STAT3: variants seen among roughly 807,000 people sequenced by gnomAD.
STAT3 encodes the protein signal transducer and activator of transcription 3.
STAT3 carries 7 observed loss-of-function variants against 114.3 expected under a neutral mutation model. The observed-to-expected ratio is 0.06, with a 90% CI of 0.03 to 0.11. The LOEUF is 0.11. STAT3 is among the 10% of genes least tolerant of loss of function. STAT3 has a pLI of 1.00. For synonymous variants in STAT3, 331 were observed against 354.5 expected (o/e 0.93, Z 0.74); for missense variants, 364 against 960.9 (o/e 0.38, Z 8.21).
Position 42,337,137 on chromosome 17 carries a change from G to T in STAT3, c.797+298C>A, listed in dbSNP as rs892337569. Among the ~76,000 whole-genome samples the T allele has an allele frequency of 6.6e-6, 1 of 151,846 alleles. No individual in the cohort carries two copies. The highest frequency in any genetic ancestry group is 1.5e-5 in the Non-Finnish European group (1 of 67,956). On this transcript the variant is annotated intron_variant, in intron 8 of 23. Coordinates refer to ENST00000264657, the MANE Select transcript of STAT3 (RefSeq NM_139276.3). This position sits in a 1 kb window ranked among gnomAD's most constrained non-coding sequence, Gnocchi z 4.0. ...TGGGACTACAGGTGCGCACCACCAC[G>T]CCCGGCTAATTTTTTTATGTTTTTA...
At chr17:42,380,576 G>T (rs939900886) in intron 1 of STAT3, among the ~76,000 whole-genome samples, 4 of 147,790 alleles carry the variant, frequency 2.7e-5, no homozygotes, top group African/African-American at 7.5e-5. Flanking sequence ...GTAGAGACGG[G>T]GGGGGTCTCA....
rs2083297821 is a variant in STAT3 at position 42,357,756 on chromosome 17, C to T, written c.-23-9217G>A. Among the ~76,000 whole-genome samples, 3 of 152,116 alleles carry T rather than the reference C, an allele frequency of 2.0e-5. No homozygotes were observed. In the South Asian group the frequency reaches 6.2e-4, roughly 31 times the overall value. On this transcript the variant is annotated intron_variant, in intron 1 of 23. Transcript: ENST00000264657. The stretch of plus-strand genomic sequence containing the variant: ...TTCATAATTTAACCATTCATAATTA[C>T]TCTAGACATTAAGAATGGAATTTCA...
At chr17:42,374,164 A>G (rs2084322490) in intron 1 of STAT3, 1 of 152,230 alleles carries the variant, frequency 6.6e-6, no homozygotes, top group Non-Finnish European at 1.5e-5. Flanking sequence ...TCCACTACTC[A>G]TGAAATTATA....
intron 1 of STAT3, among the ~76,000 whole-genome samples, chr17:42,365,639 G>GTTTTTTTTTTTTT (rs11440924): frequency 7.2e-6 from 1 of 139,052 alleles, no homozygotes; most frequent in Non-Finnish European, 1.5e-5. Flanking sequence ...TGCTGTTAAA[G>GTTTTTTTTTTTTT]TTTTTTTTTT....
intron 1 of STAT3, among the ~76,000 whole-genome samples, chr17:42,360,831 G>A (rs2083473537): frequency 1.3e-5 from 2 of 152,014 alleles, no homozygotes; most frequent in Admixed American, 1.3e-4. Flanking sequence ...AATTGAAATG[G>A]AACACTAAAA....
At position 42,337,319 on chromosome 17, in the gene STAT3, G is replaced by T; in HGVS notation, c.797+116C>A. ...AAACTTTAATTCTTGGGCTAAATTTGAATATGGAAAAGTCCCCACGTTGGA... is the reference window on the plus strand; with the variant it reads ...AAACTTTAATTCTTGGGCTAAATTTTAATATGGAAAAGTCCCCACGTTGGA... On this transcript the variant is annotated intron_variant, in intron 8 of 23. Coordinates refer to ENST00000264657, the MANE Select transcript of STAT3 (RefSeq NM_139276.3). This position sits in a 1 kb window ranked among gnomAD's most constrained non-coding sequence, Gnocchi z 4.0. The T allele has an allele frequency of 1.4e-6, 2 of 1,436,226 alleles. No homozygotes were observed. Among genetic ancestry groups the T allele is most frequent in the South Asian group, 1.4e-5 (1 of 73,022 alleles). The allele number at this position is 1,436,226 out of a possible 1,614,324, so 89.0% of individuals were successfully genotyped here.
At chr17:42,340,266 G>T (rs1285015395) in intron 4 of STAT3, among the ~76,000 whole-genome samples, 1 of 150,884 alleles carries the variant, frequency 6.6e-6, no homozygotes, top group East Asian at 1.9e-4. Flanking sequence ...TGAGGAAGGA[G>T]AATCGCCTGA....
rs397857989 is a variant in STAT3, at chr17:42,313,379, C to CAAAAAAAAAAAAAAAAAAAAAAAAAA, written c.*2365_*2366insTTTTTTTTTTTTTTTTTTTTTTTTTT. 1.2e-5 allele frequency: 1 copy of CAAAAAAAAAAAAAAAAAAAAAAAAAA among 83,018 alleles called. No homozygotes were observed. Among genetic ancestry groups the CAAAAAAAAAAAAAAAAAAAAAAAAAA allele is most frequent in the Non-Finnish European group, 2.2e-5 (1 of 44,914 alleles). The allele number at this position is 83,018 out of a possible 1,614,324, so 5.1% of individuals were successfully genotyped here. A position where few individuals can be genotyped will look rare whatever the true frequency, so the allele number is the denominator to read the frequency against. On this transcript the variant is annotated 3_prime_UTR_variant, in exon 24 of 24. Coordinates refer to ENST00000264657, the MANE Select transcript of STAT3 (RefSeq NM_139276.3). ...AGTTAAAGTAGATACAGCAATATAC[C>CAAAAAAAAAAAAAAAAAAAAAAAAAA]AAAAAAAAAAAAAAAAAAAAAAGAC... is the stretch of plus-strand genomic sequence containing the variant.
chr17:42,316,058 G>A (rs1240911250), intron 23 of STAT3: 1 of 1,403,886 alleles, frequency 7.1e-7, no homozygotes, highest in Non-Finnish European at 9.3e-7. Context: ...GCTGTCCTGA[G>A]ATCTTCTGCC....
chr17:42,316,976 A>AACAC, intron 22 of STAT3, 75 bp from the exon 23 acceptor site: 1 of 1,559,870 alleles, frequency 6.4e-7, no homozygotes, highest in Non-Finnish European at 8.7e-7. Flanking sequence ...AAAAGAACAA[A>AACAC]ACACACACAC....
Position 42,319,704 on chromosome 17 carries a change from GAA to G in STAT3, c.2102-2482_2102-2481del, listed in dbSNP as rs61628585. 9.9e-3 allele frequency among the ~76,000 whole-genome samples: 1,512 copies of G among 152,218 alleles called. 19 individuals are homozygous for G. Among genetic ancestry groups the G allele is most frequent in the African/African-American group, 0.034 (1,398 of 41,510 alleles). Reference sequence around the variant, plus strand: ...GGGCTTCCAGTAGAGAAGGAAGAGAGAAGAGTCTTGGGAGGATAATCTAACCT... The same window carrying G: ...GGGCTTCCAGTAGAGAAGGAAGAGAGGAGTCTTGGGAGGATAATCTAACCT... On this transcript the variant is annotated intron_variant, in intron 21 of 23. Coordinates refer to ENST00000264657, the MANE Select transcript of STAT3 (RefSeq NM_139276.3).
chr17:42,313,798 AT>A lies in STAT3; in HGVS notation c.*1946del. 8.6e-6 allele frequency: 2 copies of A among 232,962 alleles called. No individual in the cohort carries two copies. The highest frequency in any genetic ancestry group is 1.7e-5 in the Non-Finnish European group (2 of 117,522). 14.4% of individuals were successfully genotyped at this position (232,962 alleles called of 1,614,324 possible). A position where few individuals can be genotyped will look rare whatever the true frequency, so the allele number is the denominator to read the frequency against. ...AATATTCTGTTTATCAGTTAAGCTT[AT>A]TATGTACTGAAGAGTGTTGCTGGAG... On this transcript the variant is annotated 3_prime_UTR_variant, in exon 24 of 24. Transcript: ENST00000264657.
chr17:42,329,801 A>C (rs1390277910), intron 11 of STAT3, 25 bp from the exon 12 acceptor site: 1 of 1,613,864 alleles, frequency 6.2e-7, no homozygotes, highest in East Asian at 2.2e-5. Context: ...ACTGTTGTTA[A>C]TAAAATAGGC....
intron 20 of STAT3, 80 bp from the exon 21 acceptor site, chr17:42,322,574 C>T (rs2081527251): frequency 4.6e-6 from 7 of 1,518,388 alleles, no homozygotes; most frequent in Admixed American, 1.7e-5. Flanking sequence ...TTTTTCTTTC[C>T]TCGAAGGGGA....
At chr17:42,349,120 T>C (rs2082826889) in intron 1 of STAT3, among the ~76,000 whole-genome samples, 1 of 152,202 alleles carries the variant, frequency 6.6e-6, no homozygotes, top group Non-Finnish European at 1.5e-5. Flanking sequence ...TGCCTCGGCT[T>C]CCCAAAGTGC....
chr17:42,321,982 C>A (rs1404648262), intron 21 of STAT3, among the ~76,000 whole-genome samples: 1 of 152,078 alleles, frequency 6.6e-6, no homozygotes, highest in Non-Finnish European at 1.5e-5. Flanking sequence ...TGCCACCACA[C>A]CGGGTAATTT....
At chr17:42,380,169 T>C (rs1598528970) in intron 1 of STAT3, among the ~76,000 whole-genome samples, 1 of 151,920 alleles carries the variant, frequency 6.6e-6, no homozygotes, top group South Asian at 2.1e-4. Context: ...CCCGGGTAGC[T>C]GGGACTACAG....
chr17:42,347,207 C>T (rs1421964981), intron 2 of STAT3, among the ~76,000 whole-genome samples: 1 of 145,114 alleles, frequency 6.9e-6, no homozygotes, highest in African/African-American at 2.6e-5. Context: ...AAAAAAACCA[C>T]AAAACAAAAA....
intron 1 of STAT3, among the ~76,000 whole-genome samples, chr17:42,363,980 T>A (rs2083648138): frequency 6.6e-6 from 1 of 152,154 alleles, no homozygotes; most frequent in Non-Finnish European, 1.5e-5. Context: ...TATATAAGCA[T>A]CTGAGGCTCT....
Sources: allele counts gnomAD v4.1 joint callset (sites outside exome capture counted in the v4.1 genomes callset), GRCh38; gene constraint gnomAD v4.1.1; non-coding constraint Gnocchi (gnomAD v3.1); transcripts MANE v1.5; gene names NCBI Gene and HGNC (gene_info 2026-07-23, HGNC 2026-07-21).